COL23A1: variants seen among roughly 807,000 people sequenced by gnomAD.
The protein encoded by COL23A1 is collagen type XXIII alpha 1 chain, also known as collagen alpha-1(XXIII) chain.
In COL23A1, 97 loss-of-function variants were observed where a neutral mutation model predicts 99.3. The ratio of observed to expected loss-of-function variants is 0.98; its 90% CI spans 0.83 to 1.16. The LOEUF is 1.16. COL23A1 is among the 50% of genes most tolerant of loss of function. The pLI, the probability that COL23A1 is intolerant of heterozygous loss-of-function variation, is 0.00. For synonymous variants in COL23A1, 320 were observed against 308.2 expected (o/e 1.04, Z -0.40); for missense variants, 762 against 757.4 (o/e 1.01, Z -0.07).
rs754102692 is a variant in COL23A1, at chr5:178,288,196, C to G, written c.441+128G>C. 1.0e-4 allele frequency: 93 copies of G among 909,004 alleles called. No individual in the cohort carries two copies. The Admixed American group carries it at 1.1e-3, about 11-fold the overall frequency. 56.3% of individuals were successfully genotyped at this position (909,004 alleles called of 1,614,324 possible). On this transcript the variant is annotated intron_variant, in intron 5 of 28. Coordinates refer to ENST00000390654, the MANE Select transcript of COL23A1 (RefSeq NM_173465.4). ...CCAGAGCTCACGCTAATCGCCTCCA[C>G]AGAAAGACCACGGCTGCTGAGGAGC...
chr5:178,391,731 T>A (rs998588398), intron 2 of COL23A1, among the ~76,000 whole-genome samples: 10 of 152,282 alleles, frequency 6.6e-5, no homozygotes, highest in Admixed American at 5.2e-4. Flanking sequence ...TGCTCCTATT[T>A]ACCCAAGAGA....
chr5:178,576,237 T>C (rs1469854842), intron 1 of COL23A1, among the ~76,000 whole-genome samples: 3 of 152,064 alleles, frequency 2.0e-5, no homozygotes, highest in Non-Finnish European at 4.4e-5. Context: ...GGCGTTGCCA[T>C]TCATTATCCT....
intron 2 of COL23A1, among the ~76,000 whole-genome samples, chr5:178,459,255 C>T (rs768903665): frequency 5.9e-5 from 9 of 152,030 alleles, no homozygotes; most frequent in Non-Finnish European, 1.3e-4. Flanking sequence ...TTTTAAAATG[C>T]CTTTGACTTT....
At chr5:178,289,828 G>A (rs2913828) in intron 4 of COL23A1, among the ~76,000 whole-genome samples, 111,515 of 152,170 alleles carry the variant, frequency 0.73, 42,861 homozygotes, top group Non-Finnish European at 0.87. Flanking sequence ...ACGTTCCGGC[G>A]AACAGGTCAA....
chr5:178,316,568 C>A (rs1386952185), intron 2 of COL23A1, among the ~76,000 whole-genome samples: 2 of 152,122 alleles, frequency 1.3e-5, no homozygotes, highest in Non-Finnish European at 2.9e-5. Flanking sequence ...ATTTTTTTCA[C>A]TTACTAAGAG....
chr5:178,288,439 C>A, intron 4 of COL23A1, 89 bp from the exon 5 acceptor site: 7 of 1,119,182 alleles, frequency 6.3e-6, no homozygotes, highest in Middle Eastern at 2.0e-4. Context: ...CAGACCCACA[C>A]CCGCCCCCCG....
intron 2 of COL23A1, among the ~76,000 whole-genome samples, chr5:178,512,043 G>C (rs1197291646): frequency 6.6e-6 from 1 of 152,176 alleles, no homozygotes; most frequent in Non-Finnish European, 1.5e-5. Flanking sequence ...AGTGTCATTT[G>C]ACCCAACAAT....
intron 2 of COL23A1, among the ~76,000 whole-genome samples, chr5:178,545,673 A>T (rs993085750): frequency 6.6e-6 from 1 of 152,078 alleles, no homozygotes; most frequent in Non-Finnish European, 1.5e-5. Flanking sequence ...TCTGGCCCCA[A>T]GTGAACCGAG....
At chr5:178,585,638 C>CCT (rs1763933108) in intron 1 of COL23A1, among the ~76,000 whole-genome samples, 3 of 7,374 alleles carry the variant, frequency 4.1e-4, no homozygotes, top group East Asian at 2.9e-3. Flanking sequence ...GGTAACACTC[C>CCT]ACAGCCCTGG....
intron 2 of COL23A1, among the ~76,000 whole-genome samples, chr5:178,350,319 C>G (rs1761250013): frequency 6.6e-6 from 1 of 152,216 alleles, no homozygotes; most frequent in South Asian, 2.1e-4. Flanking sequence ...TCAGCTCACC[C>G]TCTGACAGCT....
chr5:178,268,444 C>T (rs1756032811), intron 7 of COL23A1, among the ~76,000 whole-genome samples: 1 of 152,182 alleles, frequency 6.6e-6, no homozygotes, highest in African/African-American at 2.4e-5. Context: ...CCATGAAGTC[C>T]TCTGGACACT....
intron 5 of COL23A1, among the ~76,000 whole-genome samples, chr5:178,270,614 G>A (rs897803520): frequency 2.0e-5 from 3 of 152,196 alleles, no homozygotes; most frequent in African/African-American, 7.2e-5. Flanking sequence ...AACCCATGGG[G>A]TCTGGGTGGG....
At chr5:178,321,480 CTTTTTTTTTTTTTT>C (rs570803192) in intron 2 of COL23A1, among the ~76,000 whole-genome samples, 4 of 109,026 alleles carry the variant, frequency 3.7e-5, no homozygotes, top group South Asian at 3.3e-4. Context: ...GTCACCTTCC[CTTTTTTTTTTTTTT>C]TTTTTTTTTT....
intron 2 of COL23A1, among the ~76,000 whole-genome samples, chr5:178,506,358 G>T (rs544546054): frequency 1.3e-5 from 2 of 152,186 alleles, no homozygotes; most frequent in Non-Finnish European, 2.9e-5. Context: ...CAGCTGGTGC[G>T]TGCACTCCAG....
At chr5:178,441,264 G>A (rs1766849224) in intron 2 of COL23A1, among the ~76,000 whole-genome samples, 1 of 152,194 alleles carries the variant, frequency 6.6e-6, no homozygotes, top group Non-Finnish European at 1.5e-5. Flanking sequence ...GTTAAGACTG[G>A]CAGCAAAGCT....
rs200567150 is a variant in COL23A1 at position 178,403,108 on chromosome 5, C to CAAAAAAA, written c.362-96196_362-96190dup. Among the ~76,000 whole-genome samples the CAAAAAAA allele has an allele frequency of 1.6e-3, 74 of 46,630 alleles. 6 individuals are homozygous for CAAAAAAA. Among genetic ancestry groups the CAAAAAAA allele is most frequent in the East Asian group, 4.5e-3 (4 of 884 alleles). 30.6% of individuals were successfully genotyped at this position (46,630 alleles called of 152,430 possible). On this transcript the variant is annotated intron_variant, in intron 2 of 28. Transcript: ENST00000390654. ...TGGGCAACAGAGAGAGACTCCATCT[C>CAAAAAAA]AAAAAAAAAAAAAATAAATAAATAA...
intron 2 of COL23A1, among the ~76,000 whole-genome samples, chr5:178,402,117 C>G (rs1447611039): frequency 6.6e-6 from 1 of 152,132 alleles, no homozygotes; most frequent in Non-Finnish European, 1.5e-5. Flanking sequence ...CGCCCAGCTG[C>G]CTTTGTCTTT....
At chr5:178,253,819 A>G (rs926525950) in intron 16 of COL23A1, among the ~76,000 whole-genome samples, 1 of 151,894 alleles carries the variant, frequency 6.6e-6, no homozygotes, top group Non-Finnish European at 1.5e-5. Flanking sequence ...TGCATGGACT[A>G]TGGCTGCCCG....
At chr5:178,259,773 G>A (rs1765527332) in intron 11 of COL23A1, 26 bp from the exon 12 acceptor site, 1 of 1,596,858 alleles carries the variant, frequency 6.3e-7, no homozygotes. Context: ...GGGGGTTCAA[G>A]AGCAAGGTCA....
Sources: allele counts gnomAD v4.1 joint callset (sites outside exome capture counted in the v4.1 genomes callset), GRCh38; gene constraint gnomAD v4.1.1; transcripts MANE v1.5; gene names NCBI Gene and HGNC (gene_info 2026-07-23, HGNC 2026-07-21).